C10orf67: variants seen among roughly 807,000 people sequenced by gnomAD.
C10orf67 encodes chromosome 10 open reading frame 67, also known as uncharacterized protein C10orf67, mitochondrial.
A neutral mutation model predicts 35.6 loss-of-function variants in C10orf67; 60 were observed. That is an observed-to-expected ratio of 1.68 (90% CI 1.37 to 2.09). The LOEUF is 2.09. Among genes scored for constraint, C10orf67 ranks in the 30% most tolerant of loss-of-function variants. The pLI, the probability that C10orf67 is intolerant of heterozygous loss-of-function variation, is 0.00. For synonymous variants in C10orf67, 167 were observed against 115.8 expected (o/e 1.44, Z -2.84); for missense variants, 474 against 330.2 (o/e 1.44, Z -3.38).
chr10:23,328,059 G>C (rs866016088), intron 2 of C10orf67, among the ~76,000 whole-genome samples: 1 of 151,976 alleles, frequency 6.6e-6, no homozygotes, highest in Non-Finnish European at 1.5e-5. Context: ...TGAAAAATTC[G>C]AGTATTTAAA....
At chr10:23,314,019 GA>G (rs1844595516) in intron 4 of C10orf67, among the ~76,000 whole-genome samples, 1 of 152,072 alleles carries the variant, frequency 6.6e-6, no homozygotes, top group African/African-American at 2.4e-5. Context: ...GTGGATTTAG[GA>G]GGTAAAAAAA....
At chr10:23,221,156 C>G (rs1393712004) in intron 15 of C10orf67, among the ~76,000 whole-genome samples, 1 of 152,058 alleles carries the variant, frequency 6.6e-6, no homozygotes, top group Non-Finnish European at 1.5e-5. Flanking sequence ...GGACGCATGG[C>G]TAGGAGGTGT....
At chr10:23,326,661 AATGT>A (rs1845206441) in intron 2 of C10orf67, among the ~76,000 whole-genome samples, 1 of 152,164 alleles carries the variant, frequency 6.6e-6, no homozygotes, top group Non-Finnish European at 1.5e-5. Context: ...ATGAGTTTGT[AATGT>A]ATGTATAATA....
At chr10:23,252,663 T>C (rs1842486697) in intron 10 of C10orf67, among the ~76,000 whole-genome samples, 1 of 152,242 alleles carries the variant, frequency 6.6e-6, no homozygotes, top group East Asian at 1.9e-4. Flanking sequence ...GGCAAGTAGA[T>C]GGAGAATGAT....
intron 8 of C10orf67, among the ~76,000 whole-genome samples, chr10:23,273,374 A>AT (rs1203447313): frequency 5.3e-5 from 8 of 152,172 alleles, no homozygotes; most frequent in Non-Finnish European, 8.8e-5. Flanking sequence ...TGCTGAGAGT[A>AT]TTTTTTATCA....
intron 13 of C10orf67, among the ~76,000 whole-genome samples, chr10:23,229,416 T>A (rs1841841598): frequency 8.9e-6 from 1 of 111,740 alleles, no homozygotes; most frequent in Non-Finnish European, 1.7e-5. Flanking sequence ...GGGGACATCA[T>A]ACACCGAGGC....
intron 13 of C10orf67, among the ~76,000 whole-genome samples, chr10:23,224,867 T>C (rs192941669): frequency 1.4e-3 from 216 of 152,256 alleles, no homozygotes; most frequent in African/African-American, 3.6e-3. Flanking sequence ...TATGGGACTA[T>C]GTGAAAAGAC....
intron 13 of C10orf67, among the ~76,000 whole-genome samples, chr10:23,224,207 AT>A (rs1780480028): frequency 6.6e-6 from 1 of 152,158 alleles, no homozygotes; most frequent in Non-Finnish European, 1.5e-5. Context: ...AGGCAGTAAC[AT>A]TTGCTGTTCA....
intron 8 of C10orf67, among the ~76,000 whole-genome samples, chr10:23,277,828 G>A (rs958169625): frequency 2.0e-5 from 3 of 152,044 alleles, no homozygotes; most frequent in African/African-American, 7.3e-5. Context: ...TCTGAGACTG[G>A]GTAATTTATA....
intron 1 of C10orf67, among the ~76,000 whole-genome samples, chr10:23,342,925 C>T (rs1301140095): frequency 6.6e-6 from 1 of 152,250 alleles, no homozygotes; most frequent in East Asian, 1.9e-4. Context: ...CCATGAGGCC[C>T]CTGCCTTATA....
intron 15 of C10orf67, among the ~76,000 whole-genome samples, chr10:23,210,639 C>G (rs1344659886): frequency 1.3e-5 from 2 of 152,072 alleles, no homozygotes; most frequent in Non-Finnish European, 2.9e-5. Flanking sequence ...AGGATGGTCT[C>G]AAACTCCTGG....
rs753026742 is a variant in C10orf67 at position 23,343,313 on chromosome 10, G to C, written c.206+1256C>G. 3.3e-5 allele frequency among the ~76,000 whole-genome samples: 5 copies of C among 152,236 alleles called. No individual in the cohort carries two copies. The East Asian group carries it at 9.7e-4, about 29-fold the overall frequency. On this transcript the variant is annotated intron_variant, in intron 1 of 15. Coordinates refer to ENST00000636213, the MANE Select transcript of C10orf67 (RefSeq NM_001371909.1). Reference sequence around the variant, plus strand: ...CCTTCTAAAAGCAGGGTGGGAGCGGGTGTGGGGGACGTGGGGGAAAACTCC... The same window carrying C: ...CCTTCTAAAAGCAGGGTGGGAGCGGCTGTGGGGGACGTGGGGGAAAACTCC...
intron 8 of C10orf67, among the ~76,000 whole-genome samples, chr10:23,270,077 G>A (rs1228229148): frequency 1.3e-5 from 2 of 152,118 alleles, no homozygotes; most frequent in African/African-American, 4.8e-5. Context: ...ACTATATACT[G>A]GGGGAGGGGC....
intron 13 of C10orf67, among the ~76,000 whole-genome samples, chr10:23,227,694 G>A (rs530858012): frequency 3.3e-5 from 5 of 152,130 alleles, no homozygotes; most frequent in Admixed American, 2.0e-4. Context: ...AAACCCCATC[G>A]TCTCAGCCTA....
At chr10:23,254,625 T>C (rs1842551526) in intron 10 of C10orf67, among the ~76,000 whole-genome samples, 1 of 152,210 alleles carries the variant, frequency 6.6e-6, no homozygotes, top group Non-Finnish European at 1.5e-5. Context: ...ACGGAAGTTA[T>C]GATTCTTAAA....
chr10:23,224,859 T>C (rs1169013259), intron 13 of C10orf67, among the ~76,000 whole-genome samples: 2 of 152,054 alleles, frequency 1.3e-5, no homozygotes, highest in Non-Finnish European at 1.5e-5. Context: ...CCAAGAAATA[T>C]GGGACTATGT....
At chr10:23,228,750 C>A (rs1841818479) in intron 13 of C10orf67, among the ~76,000 whole-genome samples, 2 of 152,038 alleles carry the variant, frequency 1.3e-5, no homozygotes, top group South Asian at 4.2e-4. Flanking sequence ...AAGAAAAAAA[C>A]AACCCCATCA....
intron 7 of C10orf67, among the ~76,000 whole-genome samples, chr10:23,284,527 A>C (rs1034435194): frequency 3.2e-4 from 49 of 151,740 alleles, no homozygotes; most frequent in Non-Finnish European, 7.2e-4. Flanking sequence ...CACAAAAAAA[A>C]AAAATTAAAA....
intron 10 of C10orf67, among the ~76,000 whole-genome samples, chr10:23,262,672 C>T (rs1271317577): frequency 1.3e-5 from 2 of 152,144 alleles, no homozygotes; most frequent in Admixed American, 1.3e-4. Context: ...TGGTTTTTGA[C>T]AACATCTTTT....
Sources: allele counts gnomAD v4.1 joint callset (sites outside exome capture counted in the v4.1 genomes callset), GRCh38; gene constraint gnomAD v4.1.1; transcripts MANE v1.5; gene names NCBI Gene and HGNC (gene_info 2026-07-23, HGNC 2026-07-21).